The following ARHGAP18 variants were observed in gnomAD, a reference collection of about 807,000 sequenced individuals.
ARHGAP18 encodes Rho GTPase activating protein 18, also known as rho GTPase-activating protein 18.
In ARHGAP18, 67 loss-of-function variants were observed where a neutral mutation model predicts 86.2. The observed-to-expected ratio is 0.78, with a 90% CI of 0.64 to 0.95. The LOEUF (loss-of-function observed/expected upper bound fraction) is 0.95, where lower values mean the gene tolerates loss of function less well. Among genes scored for constraint, ARHGAP18 ranks in the 40% least tolerant of loss-of-function variants. The pLI is 0.00. For synonymous variants in ARHGAP18, 283 were observed against 280.4 expected (o/e 1.01, Z -0.09); for missense variants, 691 against 780.4 (o/e 0.89, Z 1.37).
At chr6:129,630,983 T>C (rs60957149) in intron 4 of ARHGAP18, among the ~76,000 whole-genome samples, 9,517 of 152,290 alleles carry the variant, frequency 0.062, 312 homozygotes, top group Non-Finnish European at 0.073. Context: ...ATATTTATGT[T>C]TCTCAACAGC....
At chr6:129,709,926 C>A in intron 1 of ARHGAP18, 98 bp downstream of exon 1, 1 of 923,560 alleles carries the variant, frequency 1.1e-6, no homozygotes, top group Non-Finnish European at 1.7e-6. Context: ...GCTCGACGTG[C>A]AGATGGAATT....
At chr6:129,617,635 G>C (rs73776327) in intron 6 of ARHGAP18, among the ~76,000 whole-genome samples, 21,436 of 150,532 alleles carry the variant, frequency 0.14, 1,617 homozygotes, top group Middle Eastern at 0.19. Context: ...TAAAACATAA[G>C]AATTAAAAAA....
At chr6:129,638,065 T>C (rs1183107225) in intron 3 of ARHGAP18, among the ~76,000 whole-genome samples, 1 of 152,208 alleles carries the variant, frequency 6.6e-6, no homozygotes, top group Non-Finnish European at 1.5e-5. Flanking sequence ...TACTTTTCTC[T>C]AAGTAACTGT....
chr6:129,616,337 G>T, intron 6 of ARHGAP18, 34 bp from the exon 7 acceptor site: 2 of 1,509,778 alleles, frequency 1.3e-6, no homozygotes, highest in Non-Finnish European at 1.8e-6. Context: ...CCTCACTTTT[G>T]TCAATCTATA....
At chr6:129,605,182 C>G (rs570948076) in intron 10 of ARHGAP18, among the ~76,000 whole-genome samples, 1 of 152,142 alleles carries the variant, frequency 6.6e-6, no homozygotes, top group South Asian at 2.1e-4. Context: ...TTTACAACTA[C>G]TCTATAAACT....
intron 8 of ARHGAP18, among the ~76,000 whole-genome samples, chr6:129,611,236 C>T (rs903808405): frequency 1.7e-4 from 26 of 152,112 alleles, no homozygotes; most frequent in African/African-American, 6.3e-4. Context: ...ACTACTCATC[C>T]TGGCTAAATC....
rs559934489 is a variant in ARHGAP18 at position 129,679,902 on chromosome 6, G to A, written c.113+30122C>T. On this transcript the variant is annotated intron_variant, in intron 1 of 14. Coordinates refer to ENST00000368149, the MANE Select transcript of ARHGAP18 (RefSeq NM_033515.3). ...GTGTCAGCAAGGCAGCACTCCCTCC[G>A]AAGCCTCTAGGGATCCAGTCCTTGC... 3.9e-5 allele frequency among the ~76,000 whole-genome samples: 6 copies of A among 152,262 alleles called. No homozygotes were observed. The East Asian group carries it at 7.7e-4, about 20-fold the overall frequency.
Position 129,638,424 on chromosome 6 carries a change from T to C in ARHGAP18, c.522A>G (p.Ile174Met). Residue 174 changes from isoleucine (I) to methionine (M), a missense_variant, in exon 3 of 15, where the codon ATA (isoleucine) becomes ATG (methionine). Ile to Met is a conservative substitution (Grantham distance 10). Transcript: ENST00000368149. Reference sequence around the variant, plus strand: ...CTTTTGATTCTCTCTGTTGAGCAAATATGTCTCTGACGTCAGGAATCTGGT... The same window carrying C: ...CTTTTGATTCTCTCTGTTGAGCAAACATGTCTCTGACGTCAGGAATCTGGT... ...KQYQIPDVRD[I>M]FAQQRESKET... The C allele has an allele frequency of 6.2e-7, 1 of 1,614,118 alleles. No individual in the cohort carries two copies. The highest frequency in any genetic ancestry group is 8.5e-7 in the Non-Finnish European group (1 of 1,179,998).
Position 129,586,127 on chromosome 6 carries a change from A to T in ARHGAP18, c.1714-2015T>A, listed in dbSNP as rs570008188. Reference sequence around the variant, plus strand: ...TAACATACAACTCAGTGACTCCATGAACTTCTCCCTTGGGTTTGAACTCTA... The same window carrying T: ...TAACATACAACTCAGTGACTCCATGTACTTCTCCCTTGGGTTTGAACTCTA... On this transcript the variant is annotated intron_variant, in intron 12 of 14. Transcript: ENST00000368149. Among the ~76,000 whole-genome samples the T allele has an allele frequency of 5.9e-5, 9 of 152,318 alleles. 1 individual carries two copies. In the South Asian group the frequency reaches 1.9e-3, roughly 32 times the overall value.
chr6:129,587,733 C>A (rs1040845524), intron 12 of ARHGAP18, among the ~76,000 whole-genome samples: 1 of 152,146 alleles, frequency 6.6e-6, no homozygotes, highest in Non-Finnish European at 1.5e-5. Flanking sequence ...CTACCAGGTG[C>A]CTCCCACAAC....
At chr6:129,683,872 G>T (rs1774374802) in intron 1 of ARHGAP18, among the ~76,000 whole-genome samples, 1 of 152,160 alleles carries the variant, frequency 6.6e-6, no homozygotes, top group South Asian at 2.1e-4. Context: ...ACGGCGGGGG[G>T]GAGTTCTGCT....
At chr6:129,581,221 C>T (rs1041740689) in intron 13 of ARHGAP18, among the ~76,000 whole-genome samples, 1 of 152,100 alleles carries the variant, frequency 6.6e-6, no homozygotes, top group Non-Finnish European at 1.5e-5. Flanking sequence ...ACAGCAGCAG[C>T]GCTCCTCACC....
At position 129,625,479 on chromosome 6, in the gene ARHGAP18, A is replaced by ATATC. The variant is rs377165560; in HGVS notation, c.786+3873_786+3874insGATA. ...ATATTATATATAATATATATTTTAT[A>ATATC]TTATATATTATATATAATATATATT... is the stretch of plus-strand genomic sequence containing the variant. On this transcript the variant is annotated intron_variant, in intron 5 of 14. Coordinates refer to ENST00000368149, the MANE Select transcript of ARHGAP18 (RefSeq NM_033515.3). Among the ~76,000 whole-genome samples the ATATC allele has an allele frequency of 5.6e-3, 169 of 30,038 alleles. 32 individuals carry two copies. The highest frequency in any genetic ancestry group is 9.4e-3 in the Non-Finnish European group (153 of 16,274). The allele number at this position is 30,038 out of a possible 152,430, so 19.7% of individuals were successfully genotyped here. A position where few individuals can be genotyped will look rare whatever the true frequency, so the allele number is the denominator to read the frequency against.
rs775258000 is a variant in ARHGAP18, at chr6:129,607,923, C to A, written c.1252G>T (p.Glu418Ter). The A allele has an allele frequency of 6.2e-7, 1 of 1,612,884 alleles. No homozygotes were observed. The highest frequency in any genetic ancestry group is 1.3e-5 in the African/African-American group (1 of 74,822). The change falls in exon 9 of 15, where the codon GAG (glutamate) becomes TAG (stop). Residue 418 changes from glutamate to a stop codon, truncating the protein, a stop_gained. Transcript: ENST00000368149. LOFTEE classifies it high-confidence loss of function. Reference protein sequence around the residue: ...RELPQPLLSVEYLKAFQAVQN... With the variant: ...RELPQPLLSV The stretch of plus-strand genomic sequence containing the variant: ...ACAGCCTGAAAGGCTTTGAGATACT[C>A]CACACTGAGCAGTGGCTGGGGCAAC...
intron 1 of ARHGAP18, among the ~76,000 whole-genome samples, chr6:129,698,588 G>A (rs553214288): frequency 5.3e-4 from 81 of 151,424 alleles, no homozygotes; most frequent in African/African-American, 1.9e-3. Flanking sequence ...TTTCACCCAG[G>A]CTGGAGTGCA....
At chr6:129,587,791 A>G (rs1788427290) in intron 12 of ARHGAP18, among the ~76,000 whole-genome samples, 1 of 152,192 alleles carries the variant, frequency 6.6e-6, no homozygotes, top group Non-Finnish European at 1.5e-5. Flanking sequence ...TTGGGTGGGG[A>G]CACAGCCAAA....
intron 1 of ARHGAP18, among the ~76,000 whole-genome samples, chr6:129,685,282 G>A (rs7758905): frequency 0.19 from 28,754 of 152,014 alleles, 3,055 homozygotes; most frequent in South Asian, 0.31. Flanking sequence ...CGAGGTGGGC[G>A]GATCAATTGA....
intron 12 of ARHGAP18, among the ~76,000 whole-genome samples, chr6:129,594,718 CCTT>C (rs1788581794): frequency 1.3e-5 from 2 of 152,140 alleles, no homozygotes; most frequent in Non-Finnish European, 2.9e-5. Context: ...TTCTAGATTC[CCTT>C]CTTCTTCCAC....
At chr6:129,609,067 AGAG>A (rs1181904020) in intron 8 of ARHGAP18, among the ~76,000 whole-genome samples, 1 of 143,342 alleles carries the variant, frequency 7.0e-6, no homozygotes, top group Non-Finnish European at 1.5e-5. Flanking sequence ...GAGGGAAGGA[AGAG>A]GAGAGAGAGG....
Sources: allele counts gnomAD v4.1 joint callset (sites outside exome capture counted in the v4.1 genomes callset), GRCh38; gene constraint gnomAD v4.1.1; transcripts MANE v1.5; gene names NCBI Gene and HGNC (gene_info 2026-07-23, HGNC 2026-07-21).